The following ADK variants were observed in gnomAD, a reference collection of about 807,000 sequenced individuals.
The protein encoded by ADK is adenosine kinase, also known as N6,N6-dimethyladenosine kinase.
A neutral mutation model predicts 44.7 loss-of-function variants in ADK; 24 were observed. That is an observed-to-expected ratio of 0.54 (90% CI 0.39 to 0.76). The LOEUF (loss-of-function observed/expected upper bound fraction) is 0.76. Ranked by LOEUF, ADK falls within the 30% of genes least tolerant of loss-of-function variation. ADK has a pLI of 0.00. For missense variants in ADK, 321 were observed against 425.1 expected, an observed-to-expected ratio of 0.76 and a Z score of 2.15; for synonymous variants, 128 against 142.6, an observed-to-expected ratio of 0.90 and a Z score of 0.73.
intron 3 of ADK, among the ~76,000 whole-genome samples, chr10:74,253,204 A>G (rs1206680998): frequency 2.0e-5 from 3 of 152,228 alleles, no homozygotes; most frequent in Non-Finnish European, 1.5e-5. Context: ...TGGTGGTGTT[A>G]TAGCTCGGTG....
intron 6 of ADK, among the ~76,000 whole-genome samples, chr10:74,454,260 T>C (rs1054814072): frequency 6.6e-6 from 1 of 152,192 alleles, no homozygotes; most frequent in African/African-American, 2.4e-5. Flanking sequence ...TTCATTGGTG[T>C]GCTTGGTAAA....
At chr10:74,179,236 C>T (rs1842453062) in intron 1 of ADK, among the ~76,000 whole-genome samples, 1 of 152,122 alleles carries the variant, frequency 6.6e-6, no homozygotes, top group South Asian at 2.1e-4. Flanking sequence ...GTGAACACTA[C>T]ATTTAATACA....
chr10:74,391,656 C>T (rs1258113764), intron 4 of ADK, among the ~76,000 whole-genome samples: 1 of 47,836 alleles, frequency 2.1e-5, no homozygotes, highest in African/African-American at 4.6e-5. Context: ...AGAATATACA[C>T]ACACACACAC....
intron 6 of ADK, among the ~76,000 whole-genome samples, chr10:74,484,935 G>A (rs1042173952): frequency 2.0e-5 from 3 of 152,040 alleles, no homozygotes; most frequent in Non-Finnish European, 4.4e-5. Context: ...AAATGACAGA[G>A]CTTTTGGAAG....
intron 3 of ADK, among the ~76,000 whole-genome samples, chr10:74,279,886 G>A (rs1178415097): frequency 6.6e-6 from 1 of 151,948 alleles, no homozygotes; most frequent in Non-Finnish European, 1.5e-5. Flanking sequence ...AAATTAAACT[G>A]GTGTGGTATT....
At chr10:74,395,028 A>T (rs1252968414) in intron 5 of ADK, among the ~76,000 whole-genome samples, 4 of 152,216 alleles carry the variant, frequency 2.6e-5, no homozygotes, top group Non-Finnish European at 5.9e-5. Context: ...CGTTATTACC[A>T]TATCAGCACA....
At chr10:74,554,513 T>A (rs1850164676) in intron 7 of ADK, among the ~76,000 whole-genome samples, 1 of 152,230 alleles carries the variant, frequency 6.6e-6, no homozygotes, top group African/African-American at 2.4e-5. Flanking sequence ...AGAAAGGTAT[T>A]ACAATTTTAA....
chr10:74,202,846 G>A (rs1018315357), intron 2 of ADK, among the ~76,000 whole-genome samples: 3 of 152,006 alleles, frequency 2.0e-5, no homozygotes, highest in Non-Finnish European at 4.4e-5. Context: ...TTATATTCTG[G>A]ATACTAGACC....
chr10:74,314,784 G>T (rs369308554), intron 4 of ADK, 39 bp downstream of exon 4: 270 of 1,384,966 alleles, frequency 1.9e-4, no homozygotes, highest in Non-Finnish European at 2.6e-4. Flanking sequence ...GATTCAAAAT[G>T]ATTCTAGACC....
intron 3 of ADK, among the ~76,000 whole-genome samples, chr10:74,283,199 A>G (rs1847014693): frequency 1.3e-5 from 2 of 151,968 alleles, no homozygotes; most frequent in African/African-American, 4.8e-5. Context: ...TAATTACCAC[A>G]CTTTCTTGGA....
At chr10:74,694,147 ATT>A (rs10669118) in intron 10 of ADK, among the ~76,000 whole-genome samples, 7 of 82,312 alleles carry the variant, frequency 8.5e-5, no homozygotes, top group Middle Eastern at 0.011. Flanking sequence ...TTTCAAACAC[ATT>A]TTTTTTTTTT....
chr10:74,252,613 T>G (rs1845688565), intron 3 of ADK, among the ~76,000 whole-genome samples: 1 of 152,210 alleles, frequency 6.6e-6, no homozygotes, highest in Non-Finnish European at 1.5e-5. Context: ...GGTAGCAAAG[T>G]GTCATTGAGG....
intron 6 of ADK, among the ~76,000 whole-genome samples, chr10:74,427,958 T>C (rs1844861012): frequency 6.6e-6 from 1 of 152,098 alleles, no homozygotes; most frequent in African/African-American, 2.4e-5. Flanking sequence ...GTGGGGTTGG[T>C]TCCTTCTTGG....
At chr10:74,623,215 T>C (rs1482868678) in intron 9 of ADK, among the ~76,000 whole-genome samples, 2 of 152,274 alleles carry the variant, frequency 1.3e-5, no homozygotes, top group South Asian at 2.1e-4. Context: ...CCAGGGATGC[T>C]GCTATATATA....
chr10:74,496,112 G>C (rs4639879), intron 6 of ADK, among the ~76,000 whole-genome samples: 6 of 152,158 alleles, frequency 3.9e-5, no homozygotes, highest in African/African-American at 1.4e-4. Flanking sequence ...TTTGGCATCA[G>C]AAATATCACC....
At chr10:74,643,776 T>C (rs1853958283) in intron 9 of ADK, among the ~76,000 whole-genome samples, 1 of 152,202 alleles carries the variant, frequency 6.6e-6, no homozygotes, top group Admixed American at 6.5e-5. Flanking sequence ...ATTGGCACAC[T>C]ATATTTATCT....
At chr10:74,645,370 TG>T in intron 9 of ADK, among the ~76,000 whole-genome samples, 1 of 152,204 alleles carries the variant, frequency 6.6e-6, no homozygotes, top group Non-Finnish European at 1.5e-5. Context: ...CATTCTTATA[TG>T]GAGTCTCTTA....
chr10:74,200,383 C>G (rs2132149662), intron 1 of ADK, among the ~76,000 whole-genome samples: 1 of 150,992 alleles, frequency 6.6e-6, no homozygotes, highest in Non-Finnish European at 1.5e-5. Flanking sequence ...ACTCAGGAGG[C>G]TGAGGCAGGA....
Position 74,507,772 on chromosome 10 carries a change from A to G in ADK, c.556-17484A>G, listed in dbSNP as rs556118835. Among the ~76,000 whole-genome samples the G allele has an allele frequency of 1.4e-3, 206 of 152,334 alleles. 2 individuals are homozygous for G. The highest frequency in any genetic ancestry group is 4.8e-3 in the African/African-American group (201 of 41,582). ...TGCTCTTCCCTTTAAGGTTATGGTC[A>G]GGTCAGAGTGGTAAGACAAATACAA... On this transcript the variant is annotated intron_variant, in intron 6 of 10. Transcript: ENST00000539909.
Sources: allele counts gnomAD v4.1 joint callset (sites outside exome capture counted in the v4.1 genomes callset), GRCh38; gene constraint gnomAD v4.1.1; transcripts MANE v1.5; gene names NCBI Gene and HGNC (gene_info 2026-07-23, HGNC 2026-07-21).